JADE1: variants seen among roughly 807,000 people sequenced by gnomAD.
JADE1 encodes protein Jade-1.
A neutral mutation model predicts 81.8 loss-of-function variants in JADE1; 14 were observed. The observed-to-expected ratio is 0.17, with a 90% CI of 0.11 to 0.27. The LOEUF is 0.27. Among genes scored for constraint, JADE1 ranks in the 10% least tolerant of loss-of-function variants. The pLI is 1.00. For missense variants in JADE1, 690 were observed against 1,047.9 expected, an observed-to-expected ratio of 0.66 and a Z score of 4.71; for synonymous variants, 353 against 391.9, an observed-to-expected ratio of 0.90 and a Z score of 1.17.
intron 2 of JADE1, 76 bp from the exon 3 acceptor site, chr4:128,842,877 G>C: frequency 1.5e-6 from 2 of 1,307,858 alleles, no homozygotes; most frequent in Non-Finnish European, 2.2e-6. Context: ...GATGAGTTTG[G>C]GTAAGAAAAC....
rs1732278329 is a variant in JADE1, at chr4:128,872,613, C to T, written c.*351C>T. 1 of 265,486 alleles carries T rather than the reference C, an allele frequency of 3.8e-6. No homozygotes were observed. Among genetic ancestry groups the T allele is most frequent in the South Asian group, 4.8e-5 (1 of 20,896 alleles). The allele number at this position is 265,486 out of a possible 1,614,324, so 16.4% of individuals were successfully genotyped here. Reference sequence around the variant, plus strand: ...CTGCATTCTTCCCAAAGCACAAACTCATGGTTACCTGAATATAGGGAACCA... The same window carrying T: ...CTGCATTCTTCCCAAAGCACAAACTTATGGTTACCTGAATATAGGGAACCA... On this transcript the variant is annotated 3_prime_UTR_variant, in exon 11 of 11. Coordinates refer to ENST00000226319, the MANE Select transcript of JADE1 (RefSeq NM_199320.4).
intron 6 of JADE1, among the ~76,000 whole-genome samples, chr4:128,855,308 C>T (rs1037827110): frequency 9.2e-5 from 14 of 152,204 alleles, no homozygotes; most frequent in African/African-American, 3.1e-4. Flanking sequence ...TGGGTTTCTG[C>T]GGCAACACAG....
At chr4:128,837,449 GAAGTGAGT>G (rs1729073570) in intron 2 of JADE1, among the ~76,000 whole-genome samples, 2 of 152,186 alleles carry the variant, frequency 1.3e-5, no homozygotes, top group South Asian at 2.1e-4. Flanking sequence ...GTTGGAAGTG[GAAGTGAGT>G]TTGGCTGTAG....
intron 1 of JADE1, among the ~76,000 whole-genome samples, chr4:128,815,178 G>GTAAGCTCCGCCTCCCTA: frequency 6.7e-6 from 1 of 149,446 alleles, no homozygotes; most frequent in Non-Finnish European, 1.5e-5. Context: ...CCGCCTCCCT[G>GTAAGCTCCGCCTCCCTA]TAAGCTCCGC....
At chr4:128,848,014 G>A (rs990868481) in intron 4 of JADE1, among the ~76,000 whole-genome samples, 7 of 152,228 alleles carry the variant, frequency 4.6e-5, no homozygotes, top group African/African-American at 1.7e-4. Flanking sequence ...GAGTTGGAAG[G>A]CACCACTCCA....
At chr4:128,823,687 C>T (rs1042773006) in intron 1 of JADE1, among the ~76,000 whole-genome samples, 10 of 152,234 alleles carry the variant, frequency 6.6e-5, no homozygotes, top group South Asian at 4.1e-4. Flanking sequence ...AAAACATTAA[C>T]GCTTAAGAGT....
At chr4:128,825,189 A>G (rs1424536248) in intron 1 of JADE1, among the ~76,000 whole-genome samples, 1 of 152,098 alleles carries the variant, frequency 6.6e-6, no homozygotes, top group East Asian at 1.9e-4. Flanking sequence ...ACAGGAATAC[A>G]CCACCAAACC....
intron 1 of JADE1, among the ~76,000 whole-genome samples, chr4:128,813,407 CTTTT>C (rs72296886): frequency 3.1e-4 from 36 of 115,546 alleles, no homozygotes; most frequent in East Asian, 5.0e-4. Context: ...CTTACGGTCA[CTTTT>C]TTTTTTTTTT....
chr4:128,864,562 G>T, intron 9 of JADE1: 1 of 985,376 alleles, frequency 1.0e-6, no homozygotes, highest in Middle Eastern at 5.2e-4. Flanking sequence ...GAGAGTTGCA[G>T]TTATTTGTAA....
chr4:128,819,277 GT>G (rs66632357), intron 1 of JADE1, among the ~76,000 whole-genome samples: 114,083 of 151,336 alleles, frequency 0.75, 44,559 homozygotes, highest in South Asian at 0.92. Context: ...TGCAATGGTG[GT>G]TTTTTTTTTG....
In JADE1 at chr4:128,831,818, C is replaced by G. The variant is rs1728581544; in HGVS notation, c.52+8C>G. On this transcript the variant is annotated splice_region_variant and intron_variant, in intron 2 of 10. Coordinates refer to ENST00000226319, the MANE Select transcript of JADE1 (RefSeq NM_199320.4). ...ATTCTGACGACAATGGCAGTAAGTC[C>G]TGCTTTGTTGTTCTTGGAGCCTACC... 6.2e-7 allele frequency: 1 copy of G among 1,613,216 alleles called. No homozygotes were observed. The highest frequency in any genetic ancestry group is 8.5e-7 in the Non-Finnish European group (1 of 1,179,188).
At chr4:128,867,188 C>T (rs1731844175) in intron 9 of JADE1, among the ~76,000 whole-genome samples, 1 of 152,190 alleles carries the variant, frequency 6.6e-6, no homozygotes, top group African/African-American at 2.4e-5. Flanking sequence ...ACCAGCAAAT[C>T]ATTGGCAAAG....
rs1730908254 is a variant in JADE1 at position 128,857,663 on chromosome 4, A to G, written c.981+209A>G. On this transcript the variant is annotated intron_variant, in intron 8 of 10. Transcript: ENST00000226319. ...GTGTAACTAGAACCCAAGCTTTCACAGTCACAGGGTAGTTCAGAAGTTCCC... is the reference window on the plus strand; with the variant it reads ...GTGTAACTAGAACCCAAGCTTTCACGGTCACAGGGTAGTTCAGAAGTTCCC... Among the ~76,000 whole-genome samples the G allele has an allele frequency of 2.0e-5, 3 of 152,304 alleles. No individual in the cohort carries two copies. In the South Asian group the frequency reaches 6.2e-4, roughly 32 times the overall value.
chr4:128,856,798 G>A (rs779150541), intron 7 of JADE1, among the ~76,000 whole-genome samples: 10 of 152,176 alleles, frequency 6.6e-5, no homozygotes, highest in Non-Finnish European at 1.3e-4. Context: ...ACTGAGTCTC[G>A]TGGTTTGGTA....
chr4:128,834,775 C>T (rs1728845359), intron 2 of JADE1, among the ~76,000 whole-genome samples: 1 of 151,958 alleles, frequency 6.6e-6, no homozygotes, highest in African/African-American at 2.4e-5. Flanking sequence ...ACCTCATGAT[C>T]TGCCCACCTT....
chr4:128,869,279 T>A (rs1323922049), intron 10 of JADE1, among the ~76,000 whole-genome samples: 1 of 152,154 alleles, frequency 6.6e-6, no homozygotes, highest in Admixed American at 6.5e-5. Context: ...AAAAATAAAT[T>A]TTCTAAGTAG....
chr4:128,810,831 A>G (rs1356732660), intron 1 of JADE1, among the ~76,000 whole-genome samples: 3 of 152,082 alleles, frequency 2.0e-5, no homozygotes, highest in African/African-American at 7.2e-5. Context: ...GACTGCTTGT[A>G]AAGTGTAAAA....
chr4:128,862,430 T>G lies in JADE1; in HGVS notation c.1503+205T>G, dbSNP rs139807240. The stretch of plus-strand genomic sequence containing the variant: ...CAAAACTGCTACTGAGTGGGGAGCT[T>G]CTTTGTGGTTTTTTTTTTTTTAAAA... On this transcript the variant is annotated intron_variant, in intron 9 of 10. Transcript: ENST00000226319. 1.5e-4 allele frequency: 203 copies of G among 1,399,816 alleles called. 1 individual carries two copies. In the African/African-American group the frequency reaches 2.8e-3, roughly 19 times the overall value. The allele number at this position is 1,399,816 out of a possible 1,614,324, so 86.7% of individuals were successfully genotyped here.
chr4:128,811,670 C>T (rs1423604356), intron 1 of JADE1, among the ~76,000 whole-genome samples: 4 of 146,688 alleles, frequency 2.7e-5, no homozygotes, highest in African/African-American at 9.8e-5. Context: ...ACGCCCGGCC[C>T]GCCGCGCCCG....
Sources: gnomAD v4.1 joint callset for allele counts (sites outside exome capture counted in the v4.1 genomes callset) on GRCh38, gnomAD v4.1.1 for gene constraint, MANE v1.5 for transcripts, NCBI Gene and HGNC (gene_info 2026-07-23, HGNC 2026-07-21) for gene names.